Variants in ACADSB observed in about 807,000 individuals in gnomAD.
The protein encoded by ACADSB is acyl-CoA dehydrogenase short/branched chain, also known as short/branched chain specific acyl-CoA dehydrogenase, mitochondrial.
Under a neutral mutation model 54.1 loss-of-function variants are expected in ACADSB, and 40 were observed. The ratio of observed to expected loss-of-function variants is 0.74; its 90% confidence interval spans 0.57 to 0.96. The LOEUF is 0.96. Among genes scored for constraint, ACADSB ranks in the 40% least tolerant of loss-of-function variants. ACADSB has a pLI of 0.00. For synonymous variants in ACADSB, 182 were observed against 182.8 expected (o/e 1.00, Z 0.03); for missense variants, 530 against 510.4 (o/e 1.04, Z -0.37).
At chr10:123,047,395 G>A in intron 8 of ACADSB, 97 bp downstream of exon 8, 1 of 915,870 alleles carries the variant, frequency 1.1e-6, no homozygotes, top group Non-Finnish European at 1.8e-6. Context: ...TCCCTTCAGG[G>A]GGATTTTAAT....
chr10:123,054,849 T>C lies in ACADSB; in HGVS notation c.*1084T>C, dbSNP rs1409302881. The stretch of plus-strand genomic sequence containing the variant: ...GCACTATTTTTCAGTTGACAATTTC[T>C]GTATTTTAATTGAATACTGTTTCTT... On this transcript the variant is annotated 3_prime_UTR_variant, in exon 11 of 11. Transcript: ENST00000358776. 1.3e-5 allele frequency: 2 copies of C among 152,234 alleles called. No homozygotes were observed. Among genetic ancestry groups the C allele is most frequent in the African/African-American group, 4.8e-5 (2 of 41,458 alleles). The allele number at this position is 152,234 out of a possible 1,614,324, so 9.4% of individuals were successfully genotyped here. A position where few individuals can be genotyped will look rare whatever the true frequency, so the allele number is the denominator to read the frequency against.
chr10:123,022,544 C>T (rs1463122937), intron 1 of ACADSB, among the ~76,000 whole-genome samples: 2 of 152,196 alleles, frequency 1.3e-5, no homozygotes, highest in African/African-American at 2.4e-5. Context: ...AAGTACCGCA[C>T]GTGGTTATAA....
At chr10:123,012,027 G>C (rs1850043240) in intron 1 of ACADSB, among the ~76,000 whole-genome samples, 1 of 151,906 alleles carries the variant, frequency 6.6e-6, no homozygotes, top group East Asian at 2.0e-4. Context: ...TTTTTAAAGT[G>C]TTTTGTAGAG....
Position 123,053,104 on chromosome 10 carries a change from G to C in ACADSB, c.1172G>C (p.Gly391Ala). 6.2e-7 allele frequency: 1 copy of C among 1,614,074 alleles called. No homozygotes were observed. Among genetic ancestry groups the C allele is most frequent in the South Asian group, 1.1e-5 (1 of 91,074 alleles). ...TTSKCIEWMG[G>A]VGYTKDYPVE... ...AGTAAATGTATCGAGTGGATGGGGG[G>C]AGTAGGCTACACCAAAGATTACCCT... The change falls in exon 10 of 11, where the codon GGA (glycine) becomes GCA (alanine). Residue 391 changes from glycine to alanine, a missense_variant. Gly to Ala is a moderately conservative substitution (Grantham distance 60). Coordinates refer to ENST00000358776, the MANE Select transcript of ACADSB (RefSeq NM_001609.4).
intron 1 of ACADSB, among the ~76,000 whole-genome samples, chr10:123,014,594 T>G (rs1466222589): frequency 6.6e-6 from 1 of 152,200 alleles, no homozygotes; most frequent in Non-Finnish European, 1.5e-5. Flanking sequence ...ACAGGTAAGT[T>G]TTGGGGATCT....
chr10:123,040,532 G>A lies in ACADSB; in HGVS notation c.370G>A (p.Val124Met), dbSNP rs375217368. The stretch of plus-strand genomic sequence containing the variant: ...AGCTTCATTTTTATCCACTGTGCTC[G>A]TGATAGAGGAATTAGCCAAAGTTGA... ...TGASFLSTVL[V>M]IEELAKVDAS... Residue 124 changes from valine (V) to methionine (M), a missense_variant, in exon 4 of 11, where the codon GTG becomes ATG. Coordinates refer to ENST00000358776, the MANE Select transcript of ACADSB (RefSeq NM_001609.4). 6.8e-6 allele frequency: 11 copies of A among 1,613,918 alleles called. No individual in the cohort carries two copies. Among genetic ancestry groups the A allele is most frequent in the Non-Finnish European group, 8.5e-6 (10 of 1,179,996 alleles).
chr10:123,017,786 C>T (rs536021525), intron 1 of ACADSB, among the ~76,000 whole-genome samples: 2 of 152,300 alleles, frequency 1.3e-5, no homozygotes, highest in South Asian at 4.1e-4. Context: ...TTTTTAATAA[C>T]TCCCATAATG....
At chr10:123,045,507 T>G (rs936559576) in intron 7 of ACADSB, among the ~76,000 whole-genome samples, 2 of 152,078 alleles carry the variant, frequency 1.3e-5, no homozygotes, top group Non-Finnish European at 2.9e-5. Flanking sequence ...TAATCAGTGA[T>G]TATACAAAAC....
intron 9 of ACADSB, 52 bp downstream of exon 9, chr10:123,051,238 T>TC: frequency 6.8e-7 from 1 of 1,480,784 alleles, no homozygotes; most frequent in South Asian, 1.3e-5. Flanking sequence ...GCCTTTTTTT[T>TC]TTCAGATATA....
intron 3 of ACADSB, among the ~76,000 whole-genome samples, chr10:123,039,814 C>T: frequency 6.6e-6 from 1 of 152,112 alleles, no homozygotes; most frequent in South Asian, 2.1e-4. Context: ...AAGCAGGCAA[C>T]AACAGTTCTT....
intron 1 of ACADSB, among the ~76,000 whole-genome samples, chr10:123,029,930 A>C (rs1027135715): frequency 6.6e-6 from 1 of 152,206 alleles, no homozygotes. Flanking sequence ...ATCCATTCAC[A>C]GGTTCGGTTG....
rs949685817 is a variant in ACADSB, at chr10:123,056,941, G to A, written c.*3176G>A. ...AAGGACAAATTTAGACCTTGAATCC[G>A]AAGAGATAAAGCTTACTTGACTTTC... On this transcript the variant is annotated 3_prime_UTR_variant, in exon 11 of 11. Coordinates refer to ENST00000358776, the MANE Select transcript of ACADSB (RefSeq NM_001609.4). 2 of 152,616 alleles carry A rather than the reference G, an allele frequency of 1.3e-5. No homozygotes were observed. The highest frequency in any genetic ancestry group is 4.8e-5 in the African/African-American group (2 of 41,428). The allele number at this position is 152,616 out of a possible 1,614,324, so 9.5% of individuals were successfully genotyped here.
At chr10:123,019,444 C>T (rs1850151488) in intron 1 of ACADSB, among the ~76,000 whole-genome samples, 1 of 152,194 alleles carries the variant, frequency 6.6e-6, no homozygotes, top group South Asian at 2.1e-4. Flanking sequence ...AGGATGACGC[C>T]AGTCCAGGAT....
intron 1 of ACADSB, among the ~76,000 whole-genome samples, chr10:123,015,617 G>A (rs1218395472): frequency 1.3e-5 from 2 of 152,238 alleles, no homozygotes; most frequent in Non-Finnish European, 2.9e-5. Flanking sequence ...CTCCATGAAG[G>A]AGGGGAAAGG....
Position 123,043,120 on chromosome 10 carries a change from A to C in ACADSB, c.756A>C (p.Lys252Asn). 1 of 1,614,060 alleles carries C rather than the reference A, an allele frequency of 6.2e-7. No homozygotes were observed. Among genetic ancestry groups the C allele is most frequent in the Non-Finnish European group, 8.5e-7 (1 of 1,179,952 alleles). The change falls in exon 6 of 11, where the codon AAA becomes AAC. Residue 252 changes from lysine to asparagine, a missense_variant. Lys to Asn is a moderately conservative substitution (Grantham distance 94). Transcript: ENST00000358776. ...PGLHIGKPEN[K>N]LGLRASSTCP... ...TTCATATAGGGAAACCTGAAAACAA[A>C]TTGGGGCTCAGAGCTTCTTCCACCT...
intron 1 of ACADSB, among the ~76,000 whole-genome samples, chr10:123,029,603 A>T (rs983123345): frequency 1.3e-5 from 2 of 152,210 alleles, no homozygotes; most frequent in Non-Finnish European, 2.9e-5. Context: ...CTATATTTTC[A>T]AGATTTGTCC....
At chr10:123,040,368 T>C in intron 3 of ACADSB, 98 bp from the exon 4 acceptor site, 1 of 868,840 alleles carries the variant, frequency 1.2e-6, no homozygotes, top group South Asian at 1.6e-5. Context: ...ATAATAATAA[T>C]AAATATGGTT....
At chr10:123,023,929 G>C (rs1190256997) in intron 1 of ACADSB, among the ~76,000 whole-genome samples, 1 of 152,268 alleles carries the variant, frequency 6.6e-6, no homozygotes, top group Non-Finnish European at 1.5e-5. Context: ...CCTTTGGAGA[G>C]GTTGAAGTCT....
chr10:123,009,173 AG>A, intron 1 of ACADSB, 102 bp downstream of exon 1: 1 of 1,297,052 alleles, frequency 7.7e-7, no homozygotes, highest in Admixed American at 2.0e-5. Flanking sequence ...CGCCGGCCTG[AG>A]CCCCGCTCCA....
Sources: allele counts gnomAD v4.1 joint callset (sites outside exome capture counted in the v4.1 genomes callset), GRCh38; gene constraint gnomAD v4.1.1; transcripts MANE v1.5; gene names NCBI Gene and HGNC (gene_info 2026-07-23, HGNC 2026-07-21).